The following PDE4C variants were observed in gnomAD, a reference collection of about 807,000 sequenced individuals.
The protein encoded by PDE4C is phosphodiesterase 4C.
Under a neutral mutation model 63.9 loss-of-function variants are expected in PDE4C, and 50 were observed. The ratio of observed to expected loss-of-function variants is 0.78; its 90% CI spans 0.62 to 0.99. The LOEUF (loss-of-function observed/expected upper bound fraction) is 0.99. Among genes scored for constraint, PDE4C ranks in the 50% least tolerant of loss-of-function variants. The probability of loss-of-function intolerance (pLI) is 0.00; values close to 1 mark genes in which losing one functional copy is unlikely to be tolerated. For synonymous variants in PDE4C, 377 were observed against 385.1 expected, an observed-to-expected ratio of 0.98 and a Z score of 0.25; for missense variants, 777 against 899.1, an observed-to-expected ratio of 0.86 and a Z score of 1.74.
In PDE4C at chr19:18,218,384, C is replaced by T. The variant is rs375881931; in HGVS notation, c.1084G>A (p.Ala362Thr). The T allele has an allele frequency of 8.7e-5, 140 of 1,614,226 alleles. No individual in the cohort carries two copies. The highest frequency in any genetic ancestry group is 1.1e-4 in the Non-Finnish European group (126 of 1,180,048). ...ACATGCGTGGACTGGGCCACGTCGG[C>T]GGCATGTAGGCTGTTGTGGTAGGCC... The change falls in exon 10 of 15, where the codon GCC becomes ACC. Residue 362 changes from alanine to threonine, a missense_variant. By Grantham distance (58) the Ala-to-Thr change is moderately conservative (BLOSUM62 0). Around this residue, in one of 3 missense-constraint regions of PDE4C, gnomAD observed 500 missense variants for 597.8 expected, o/e 0.84. Coordinates refer to ENST00000262805, the Ensembl canonical transcript of PDE4C.
At chr19:18,225,658 G>C (rs1389374373) in intron 1 of PDE4C, 1 of 152,412 alleles carries the variant, frequency 6.6e-6, no homozygotes, top group Non-Finnish European at 1.5e-5. Flanking sequence ...GAAAGGCAGG[G>C]ATTCGAACCC....
At chr19:18,252,108 T>C (rs1969236987), upstream of PDE4C, 1 of 398,998 alleles carries the variant, frequency 2.5e-6, no homozygotes, top group Non-Finnish European at 4.4e-6. Flanking sequence ...GGTCAAGGGC[T>C]CCGTTCCGGG....
chr19:18,243,924 G>A lies in PDE4C; in HGVS notation c.-210+4247C>T, dbSNP rs1226910874. 4.0e-5 allele frequency among the ~76,000 whole-genome samples: 6 copies of A among 151,014 alleles called. No individual in the cohort carries two copies. In the South Asian group the frequency reaches 8.4e-4, roughly 21 times the overall value. ...GGCTGGAGTGCAGTGGTGCCATCTC[G>A]GCTCACTCCAACCTCCAACTCCCTG... On this transcript the variant is annotated intron_variant, in intron 1 of 15. Transcript: ENST00000594617.
chr19:18,233,515 T>C (rs1968896442), exon 1 of PDE4C: 1 of 599,232 alleles, frequency 1.7e-6, no homozygotes, highest in Non-Finnish European at 3.1e-6. Context: ...CCTATAGCGC[T>C]GCATGGAAAA....
chr19:18,216,986 A>G, intron 11 of PDE4C, 91 bp from the exon 12 acceptor site: 2 of 1,435,102 alleles, frequency 1.4e-6, no homozygotes. Flanking sequence ...GCAAACTCCT[A>G]CCCATGCGTT....
At chr19:18,223,633 C>T (rs4808765) in intron 1 of PDE4C, among the ~76,000 whole-genome samples, 40,540 of 152,166 alleles carry the variant, frequency 0.27, 5,483 homozygotes, top group Middle Eastern at 0.35. Context: ...CATGAGCCAC[C>T]GCACCCGGCC....
chr19:18,224,437 T>C (rs1395860730), intron 1 of PDE4C: 2 of 985,394 alleles, frequency 2.0e-6, no homozygotes, highest in African/African-American at 3.5e-5. Context: ...AGGTGGGGGA[T>C]TTGGCAGCAT....
upstream of PDE4C, chr19:18,226,507 A>G: frequency 9.2e-7 from 1 of 1,081,838 alleles, no homozygotes; most frequent in Non-Finnish European, 1.2e-6. Flanking sequence ...GGAGGGGGCA[A>G]AGGGCGCATC....
chr19:18,237,480 G>T (rs1186584825), upstream of PDE4C, among the ~76,000 whole-genome samples: 2 of 152,096 alleles, frequency 1.3e-5, no homozygotes, highest in African/African-American at 4.8e-5. Flanking sequence ...GAACCTGGGA[G>T]GCGGAGGTTG....
exon 1 of PDE4C, chr19:18,233,571 T>C: frequency 4.0e-6 from 2 of 502,102 alleles, no homozygotes; most frequent in Non-Finnish European, 7.8e-6. Context: ...AATTGTCCAC[T>C]GATCGCTGCT....
chr19:18,220,924 C>CT lies in PDE4C; in HGVS notation c.450-2dup. 6.2e-7 allele frequency: 1 copy of CT among 1,603,142 alleles called. No individual in the cohort carries two copies. The highest frequency in any genetic ancestry group is 8.5e-7 in the Non-Finnish European group (1 of 1,176,316). On this transcript the variant is annotated splice_acceptor_variant, in intron 4 of 14. Coordinates refer to ENST00000262805, the Ensembl canonical transcript of PDE4C. LOFTEE classifies it high-confidence loss of function. This position sits in a 1 kb window ranked among gnomAD's most constrained non-coding sequence, Gnocchi z 5.1. Reference sequence around the variant, plus strand: ...TGAAGGGTTTCCGACGGGTCCCTGCCTGCGGTACAGCAGCCTCAGGCGTGG... The same window carrying CT: ...TGAAGGGTTTCCGACGGGTCCCTGCCTTGCGGTACAGCAGCCTCAGGCGTGG...
intron 1 of PDE4C, among the ~76,000 whole-genome samples, chr19:18,222,606 A>G (rs991400897): frequency 8.3e-6 from 1 of 121,064 alleles, no homozygotes; most frequent in African/African-American, 3.3e-5. Context: ...CAATCACCCT[A>G]TTTCTTTTAT....
chr19:18,232,885 C>A lies in PDE4C; in HGVS notation c.242+65G>T, dbSNP rs1448345919. 8 of 1,408,976 alleles carry A rather than the reference C, an allele frequency of 5.7e-6. No homozygotes were observed. The Admixed American group carries it at 9.2e-5, about 16-fold the overall frequency. The allele number at this position is 1,408,976 out of a possible 1,614,324, so 87.3% of individuals were successfully genotyped here. A position where few individuals can be genotyped will look rare whatever the true frequency, so the allele number is the denominator to read the frequency against. On this transcript the variant is annotated intron_variant, in intron 1 of 14. Transcript: ENST00000594465. ...CCCTGGAGAAGCAAGGACCCTCCCC[C>A]ACTCCCGCCAGGCCCCGCGCGCCCC...
Position 18,233,337 on chromosome 19 carries a change from T to C in PDE4C, c.-146A>G, listed in dbSNP as rs1054390798. 3.4e-5 allele frequency: 38 copies of C among 1,130,760 alleles called. 1 individual carries two copies. The East Asian group carries it at 7.5e-4, about 22-fold the overall frequency. 70.0% of individuals were successfully genotyped at this position (1,130,760 alleles called of 1,614,324 possible). ...GTCCGCGCCGGAGGTGCTGAAGCGG[T>C]AGAAGGTGGAACTGGGGCTCAAGGT... On this transcript the variant is annotated 5_prime_UTR_variant, in exon 1 of 15. Coordinates refer to the PDE4C transcript ENST00000594465.
At chr19:18,215,979 G>A (rs1258573610) in intron 12 of PDE4C, among the ~76,000 whole-genome samples, 11 of 150,652 alleles carry the variant, frequency 7.3e-5, no homozygotes, top group African/African-American at 1.7e-4. Flanking sequence ...ACAGGTGCCC[G>A]CCACCAGGCC....
At chr19:18,253,563 A>C in the PDE4C span, among the ~76,000 whole-genome samples, 116 of 141,758 alleles carry the variant, frequency 8.2e-4, no homozygotes, top group African/African-American at 1.3e-3. Flanking sequence ...AAAAAAAAAA[A>C]ACACACACAC....
At chr19:18,232,620 A>T (rs1968872705) in intron 1 of PDE4C, among the ~76,000 whole-genome samples, 1 of 152,040 alleles carries the variant, frequency 6.6e-6, no homozygotes, top group Admixed American at 6.5e-5. Context: ...TACCTGGGAC[A>T]CATGGAATCA....
chr19:18,221,321 G>T, intron 2 of PDE4C, 24 bp from the exon 3 acceptor site: 1 of 1,538,492 alleles, frequency 6.5e-7, no homozygotes, highest in Admixed American at 2.2e-5. Context: ...GGCCATCAGG[G>T]AGAGCTCTCT....
chr19:18,249,755 TACAG>T (rs1009072047), upstream of PDE4C, among the ~76,000 whole-genome samples: 4 of 152,060 alleles, frequency 2.6e-5, no homozygotes, highest in Admixed American at 1.3e-4. Context: ...GTATTTTTAG[TACAG>T]ACAGAGTTTC....
Sources: allele counts gnomAD v4.1 joint callset (sites outside exome capture counted in the v4.1 genomes callset), GRCh38; gene constraint gnomAD v4.1.1; regional missense constraint gnomAD v4.1.1; non-coding constraint Gnocchi (gnomAD v3.1); transcripts MANE v1.5; gene names NCBI Gene and HGNC (gene_info 2026-07-23, HGNC 2026-07-21).